The following CAPN3 variants were observed in gnomAD, a reference collection of about 807,000 sequenced individuals.
The protein encoded by CAPN3 is calpain 3, also known as calpain-3.
A neutral mutation model predicts 114.0 loss-of-function variants in CAPN3; 88 were observed. The ratio of observed to expected loss-of-function variants is 0.77; its 90% CI spans 0.65 to 0.92. The LOEUF (loss-of-function observed/expected upper bound fraction) is 0.92, where lower values mean the gene tolerates loss of function less well. CAPN3 is among the 40% of genes least tolerant of loss of function. The probability of loss-of-function intolerance (pLI) is 0.00; values close to 1 mark genes in which losing one functional copy is unlikely to be tolerated. For missense variants in CAPN3, 1,028 were observed against 1,069.0 expected (o/e 0.96, Z 0.53); for synonymous variants, 386 against 382.9 (o/e 1.01, Z -0.09).
intron 2 of CAPN3, among the ~76,000 whole-genome samples, chr15:42,385,326 C>A (rs1047644444): frequency 1.3e-5 from 2 of 152,002 alleles, no homozygotes; most frequent in Non-Finnish European, 1.5e-5. Context: ...CCTGCAGAGC[C>A]CTGGGCATAA....
rs1209116410 is a variant in CAPN3, at chr15:42,369,082, G to A, written c.309+8968G>A. Among the ~76,000 whole-genome samples the A allele has an allele frequency of 2.0e-5, 3 of 152,192 alleles. No homozygotes were observed. In the East Asian group the frequency reaches 5.8e-4, roughly 29 times the overall value. On this transcript the variant is annotated intron_variant, in intron 1 of 23. Coordinates refer to ENST00000397163, the MANE Select transcript of CAPN3 (RefSeq NM_000070.3). ...TCTTACAGACTAAGTGTATTTAAGG[G>A]TTCAGGGTGAGAGAGCCTATCACAG... is the stretch of plus-strand genomic sequence containing the variant.
intron 20 of CAPN3, 39 bp from the exon 21 acceptor site, chr15:42,410,549 T>C (rs969255535): frequency 7.3e-5 from 118 of 1,608,022 alleles, no homozygotes; most frequent in Non-Finnish European, 1.0e-4. Context: ...ATTTGGAGAT[T>C]CAGTGTGTGA....
intron 11 of CAPN3, 30 bp from the exon 12 acceptor site, chr15:42,402,094 G>A: frequency 6.2e-7 from 1 of 1,614,000 alleles, no homozygotes; most frequent in Non-Finnish European, 8.5e-7. Context: ...ATTCACATCT[G>A]AAGCATCTTC....
intron 1 of CAPN3, among the ~76,000 whole-genome samples, chr15:42,380,849 C>T (rs76836619): frequency 0.036 from 5,344 of 148,304 alleles, 281 homozygotes; most frequent in African/African-American, 0.11. Flanking sequence ...CCTTGGCCTC[C>T]CAAAGTGCTG....
chr15:42,369,853 A>ACTTT lies in CAPN3; in HGVS notation c.309+9756_309+9759dup, dbSNP rs1221234565. ...CCCAGCACTTGGCCATCGCATCAGC[A>ACTTT]CTTTCTTTCTTTCTTTCTTTTTTTT... On this transcript the variant is annotated intron_variant, in intron 1 of 23. Transcript: ENST00000397163. Among the ~76,000 whole-genome samples the ACTTT allele has an allele frequency of 2.6e-4, 38 of 147,890 alleles. No homozygotes were observed. The East Asian group carries it at 6.7e-3, about 26-fold the overall frequency.
intron 5 of CAPN3, 109 bp downstream of exon 5, chr15:42,389,205 T>A: frequency 9.4e-7 from 1 of 1,059,914 alleles, no homozygotes; most frequent in African/African-American, 1.6e-5. Context: ...GAATGTTTTG[T>A]TTGAGGAAGC....
intron 1 of CAPN3, 81 bp downstream of exon 1, chr15:42,360,195 T>C: frequency 6.8e-7 from 1 of 1,475,576 alleles, no homozygotes; most frequent in South Asian, 1.1e-5. Flanking sequence ...AGCTCAGCTG[T>C]GCACATGGGC....
intron 1 of CAPN3, among the ~76,000 whole-genome samples, chr15:42,378,300 A>G (rs1289827383): frequency 6.6e-6 from 1 of 152,230 alleles, no homozygotes; most frequent in African/African-American, 2.4e-5. Context: ...TTAGGACCAC[A>G]TGAGTAAACA....
Position 42,411,843 on chromosome 15 carries a change from C to A in CAPN3, c.*70C>A. On this transcript the variant is annotated 3_prime_UTR_variant, in exon 24 of 24. Transcript: ENST00000397163. ...TCAGTTTCACCCTCTATTTCCAAAGCCATTTACCTCAAAGGACCCAGCAGC... is the reference window on the plus strand; with the variant it reads ...TCAGTTTCACCCTCTATTTCCAAAGACATTTACCTCAAAGGACCCAGCAGC... 2 of 1,613,262 alleles carry A rather than the reference C, an allele frequency of 1.2e-6. No homozygotes were observed. Among genetic ancestry groups the A allele is most frequent in the Non-Finnish European group, 1.7e-6 (2 of 1,179,590 alleles).
intron 2 of CAPN3, 47 bp downstream of exon 2, chr15:42,384,599 ATTACAAGGT>A (rs1226584617): frequency 7.3e-7 from 1 of 1,375,094 alleles, no homozygotes; most frequent in South Asian, 1.2e-5. Context: ...TCAAGGGGTG[ATTACAAGGT>A]GTGATCCCCT....
chr15:42,397,644 G>GA (rs552359920), intron 9 of CAPN3, among the ~76,000 whole-genome samples: 12,683 of 135,458 alleles, frequency 0.094, 911 homozygotes, highest in African/African-American at 0.22. Flanking sequence ...CTCTGTCTTG[G>GA]AAAAAAAAAA....
chr15:42,396,240 C>CTTT (rs1566978220), intron 8 of CAPN3, among the ~76,000 whole-genome samples: 1 of 143,124 alleles, frequency 7.0e-6, no homozygotes. Context: ...GTCCAGAACC[C>CTTT]ATTTTTTTTT....
intron 1 of CAPN3, among the ~76,000 whole-genome samples, chr15:42,372,069 T>G (rs1210128114): frequency 6.6e-6 from 1 of 152,208 alleles, no homozygotes; most frequent in African/African-American, 2.4e-5. Context: ...CTTGACAATA[T>G]TGAGTCTTCC....
rs28364415 is a variant in CAPN3, at chr15:42,388,560, G to A, written c.633-368G>A. Among the ~76,000 whole-genome samples the A allele has an allele frequency of 3.5e-3, 535 of 152,226 alleles. 31 individuals carry two copies. In the East Asian group the frequency reaches 0.089, roughly 25 times the overall value. On this transcript the variant is annotated intron_variant, in intron 4 of 23. Transcript: ENST00000397163. Reference sequence around the variant, plus strand: ...GGGCTCATGCAATCCACCAGCCTTGGCCTCCCGAAGCGCTGGGATTGCCGG... The same window carrying A: ...GGGCTCATGCAATCCACCAGCCTTGACCTCCCGAAGCGCTGGGATTGCCGG...
intron 1 of CAPN3, among the ~76,000 whole-genome samples, chr15:42,373,837 C>T (rs187855639): frequency 2.1e-4 from 32 of 152,274 alleles, no homozygotes; most frequent in African/African-American, 7.7e-4. Flanking sequence ...GGAGCAGATT[C>T]CTCCTATGCA....
At chr15:42,393,123 C>G (rs1170058632) in intron 7 of CAPN3, among the ~76,000 whole-genome samples, 1 of 152,174 alleles carries the variant, frequency 6.6e-6, no homozygotes, top group Non-Finnish European at 1.5e-5. Flanking sequence ...ACAAAATCTG[C>G]AGATGCTCAA....
At position 42,405,688 on chromosome 15, in the gene CAPN3, G is replaced by T. The variant is rs28364506; in HGVS notation, c.1783-238G>T. Among the ~76,000 whole-genome samples, 59 of 152,246 alleles carry T rather than the reference G, an allele frequency of 3.9e-4. 1 individual carries two copies. In the East Asian group the frequency reaches 0.011, roughly 28 times the overall value. On this transcript the variant is annotated intron_variant, in intron 14 of 23. Coordinates refer to ENST00000397163, the MANE Select transcript of CAPN3 (RefSeq NM_000070.3). ...TTTTTCCTTGCCATATGCAGTAAGA[G>T]TAGATTATAAAAACAAAGTCAGAGC...
chr15:42,410,132 T>G (rs2054164093), intron 19 of CAPN3, 137 bp downstream of exon 19: 1 of 832,722 alleles, frequency 1.2e-6, no homozygotes, highest in African/African-American at 1.7e-5. Context: ...TCAGAACATC[T>G]TGGATACTCG....
Position 42,359,546 on chromosome 15 carries a change from C to T in CAPN3, c.-260C>T. The T allele has an allele frequency of 7.4e-7, 1 of 1,346,638 alleles. No homozygotes were observed. Among genetic ancestry groups the T allele is most frequent in the Non-Finnish European group, 9.5e-7 (1 of 1,047,158 alleles). 83.4% of individuals were successfully genotyped at this position (1,346,638 alleles called of 1,614,324 possible). A position where few individuals can be genotyped will look rare whatever the true frequency, so the allele number is the denominator to read the frequency against. On this transcript the variant is annotated 5_prime_UTR_variant, in exon 1 of 24. Coordinates refer to ENST00000397163, the MANE Select transcript of CAPN3 (RefSeq NM_000070.3). ...TGGCATGCATGCTGCTGGTAGGAGA[C>T]CCCCAAGTCAACATTGCTTCAGAAA...
Sources: gnomAD v4.1 joint callset for allele counts (sites outside exome capture counted in the v4.1 genomes callset) on GRCh38, gnomAD v4.1.1 for gene constraint, MANE v1.5 for transcripts, NCBI Gene and HGNC (gene_info 2026-07-23, HGNC 2026-07-21) for gene names.